The following COL21A1 variants were observed in gnomAD, a reference collection of about 807,000 sequenced individuals.
COL21A1 encodes the protein collagen type XXI alpha 1 chain, also known as collagen alpha-1(XXI) chain.
A neutral mutation model predicts 137.9 loss-of-function variants in COL21A1; 149 were observed. The observed-to-expected ratio is 1.08, with a 90% CI of 0.95 to 1.24. The LOEUF is 1.24. Among genes scored for constraint, COL21A1 ranks in the 50% most tolerant of loss-of-function variants. The pLI is 0.00. For missense variants in COL21A1, 1,167 were observed against 1,158.4 expected (o/e 1.01, Z -0.11); for synonymous variants, 456 against 391.5 (o/e 1.16, Z -1.95).
chr6:56,297,564 T>C (rs1359462021), intron 1 of COL21A1, among the ~76,000 whole-genome samples: 2 of 152,146 alleles, frequency 1.3e-5, no homozygotes, highest in Admixed American at 6.6e-5. Context: ...ATATTTACTA[T>C]ACTCTTTTAC....
intron 1 of COL21A1, among the ~76,000 whole-genome samples, chr6:56,388,007 C>A (rs1401661169): frequency 1.3e-5 from 2 of 152,190 alleles, no homozygotes; most frequent in Non-Finnish European, 2.9e-5. Flanking sequence ...GAGAGACTAC[C>A]TCCACTTGGG....
chr6:56,332,770 TA>T (rs1393948879), intron 1 of COL21A1, among the ~76,000 whole-genome samples: 1 of 152,030 alleles, frequency 6.6e-6, no homozygotes, highest in Admixed American at 6.6e-5. Context: ...GTGATTTGTT[TA>T]AAAAATAAAA....
At chr6:56,354,172 C>T (rs1014433887) in intron 1 of COL21A1, among the ~76,000 whole-genome samples, 1 of 152,076 alleles carries the variant, frequency 6.6e-6, no homozygotes, top group Non-Finnish European at 1.5e-5. Context: ...AAGTCAAAAA[C>T]AGGCAAAATG....
rs928876837 is a variant in COL21A1 at position 56,376,312 on chromosome 6, C to T, written c.-39+17659G>A. On this transcript the variant is annotated intron_variant, in intron 1 of 28. Transcript: ENST00000370819. ...GAGTGGGACTGTGGACACCAGCTTA[C>T]TGTGAAACCCACAGTGAAGAGAAAA... Among the ~76,000 whole-genome samples, 9 of 152,192 alleles carry T rather than the reference C, an allele frequency of 5.9e-5. No homozygotes were observed. The South Asian group carries it at 1.9e-3, about 32-fold the overall frequency.
chr6:56,159,059 C>T (rs1213727382), intron 9 of COL21A1, among the ~76,000 whole-genome samples: 1 of 152,136 alleles, frequency 6.6e-6, no homozygotes, highest in Non-Finnish European at 1.5e-5. Flanking sequence ...GCCATCCTTC[C>T]TTATCCATGT....
chr6:56,329,718 G>A (rs1440977844), intron 1 of COL21A1, among the ~76,000 whole-genome samples: 2 of 151,982 alleles, frequency 1.3e-5, no homozygotes, highest in African/African-American at 4.8e-5. Context: ...TGTCAGAGAA[G>A]GTTCAAAAAA....
At chr6:56,144,945 A>T (rs1484103978) in intron 10 of COL21A1, among the ~76,000 whole-genome samples, 2 of 152,180 alleles carry the variant, frequency 1.3e-5, no homozygotes, top group African/African-American at 4.8e-5. Flanking sequence ...TTCACTTTTG[A>T]AAAGAAACAA....
chr6:56,372,051 G>A (rs1316054247), intron 1 of COL21A1, among the ~76,000 whole-genome samples: 1 of 152,146 alleles, frequency 6.6e-6, no homozygotes, highest in African/African-American at 2.4e-5. Context: ...GCTCCAAGAT[G>A]TTTATTCCCC....
rs141952814 is a variant in COL21A1, at chr6:56,155,818, G to A, written c.1434+1069C>T. Among the ~76,000 whole-genome samples, 117 of 152,176 alleles carry A rather than the reference G, an allele frequency of 7.7e-4. 1 individual carries two copies. The highest frequency in any genetic ancestry group is 3.4e-3 in the Middle Eastern group (1 of 294). ...GGGTTTCACCAAGTTGGCCAGGCTG[G>A]TCTCAAACTGCTGGTCTCAAGTGAT... On this transcript the variant is annotated intron_variant, in intron 10 of 29. Coordinates refer to ENST00000244728, the MANE Select transcript of COL21A1 (RefSeq NM_030820.4).
chr6:56,099,158 C>T (rs368277892), intron 17 of COL21A1, among the ~76,000 whole-genome samples: 1 of 150,870 alleles, frequency 6.6e-6, no homozygotes, highest in African/African-American at 2.4e-5. Context: ...ATTGTTTCTA[C>T]GGGAGAATGA....
chr6:56,271,390 A>G (rs1209823479), intron 1 of COL21A1, among the ~76,000 whole-genome samples: 1 of 152,232 alleles, frequency 6.6e-6, no homozygotes, highest in East Asian at 1.9e-4. Flanking sequence ...TCTAAGCAGC[A>G]AAGTTTTCAA....
intron 17 of COL21A1, among the ~76,000 whole-genome samples, chr6:56,094,319 C>G (rs1173810383): frequency 6.6e-6 from 1 of 152,162 alleles, no homozygotes; most frequent in Non-Finnish European, 1.5e-5. Flanking sequence ...TTTCCTACAG[C>G]ATGTTCCTCT....
At chr6:56,133,497 A>C (rs1773733694) in intron 12 of COL21A1, among the ~76,000 whole-genome samples, 2 of 152,194 alleles carry the variant, frequency 1.3e-5, no homozygotes, top group African/African-American at 4.8e-5. Context: ...TGATAATGTG[A>C]TAGAAAAGAA....
chr6:56,157,262 CAT>C (rs1775828344), intron 9 of COL21A1, among the ~76,000 whole-genome samples: 1 of 149,838 alleles, frequency 6.7e-6, no homozygotes, highest in Admixed American at 6.7e-5. Flanking sequence ...TGTAAAGTGA[CAT>C]AGCAAATATG....
At chr6:56,375,779 GTGGGGGAGAGCTCA>G (rs2093997969) in intron 1 of COL21A1, among the ~76,000 whole-genome samples, 1 of 152,270 alleles carries the variant, frequency 6.6e-6, no homozygotes, top group Non-Finnish European at 1.5e-5. Flanking sequence ...TGGGGTGGGT[GTGGGGGAGAGCTCA>G]TGGGGAAATT....
Position 56,254,633 on chromosome 6 carries a change from G to A in COL21A1, c.-38-71977C>T, listed in dbSNP as rs143140721. 3.5e-3 allele frequency among the ~76,000 whole-genome samples: 529 copies of A among 152,222 alleles called. 2 individuals carry two copies. The highest frequency in any genetic ancestry group is 0.012 in the African/African-American group (493 of 41,540). ...CTCCCTTGGTTGGATGTGTATGAGC[G>A]TATGTGAAAAAATGGGAAATATTTG... is the stretch of plus-strand genomic sequence containing the variant. On this transcript the variant is annotated intron_variant, in intron 1 of 28. Transcript: ENST00000370819.
chr6:56,230,054 ATAT>A (rs1781456499), intron 1 of COL21A1, among the ~76,000 whole-genome samples: 1 of 151,936 alleles, frequency 6.6e-6, no homozygotes, highest in South Asian at 2.1e-4. Flanking sequence ...CAAAAGGTAA[ATAT>A]TATGATATAT....
chr6:56,090,314 CAAT>C (rs1768680394), intron 17 of COL21A1, among the ~76,000 whole-genome samples: 1 of 152,140 alleles, frequency 6.6e-6, no homozygotes, highest in Non-Finnish European at 1.5e-5. Flanking sequence ...TTAAAATCAA[CAAT>C]GTTACTTTAT....
chr6:56,103,622 G>A (rs62411456), intron 16 of COL21A1, among the ~76,000 whole-genome samples: 22,581 of 152,008 alleles, frequency 0.15, 1,708 homozygotes, highest in Middle Eastern at 0.22. Flanking sequence ...TTTTAAAAAC[G>A]TAAGTAGCCA....
Sources: gnomAD v4.1 joint callset for allele counts (sites outside exome capture counted in the v4.1 genomes callset) on GRCh38, gnomAD v4.1.1 for gene constraint, MANE v1.5 for transcripts, NCBI Gene and HGNC (gene_info 2026-07-23, HGNC 2026-07-21) for gene names.